ARHGEF28: variants seen among roughly 807,000 people sequenced by gnomAD.
ARHGEF28 encodes Rho guanine nucleotide exchange factor 28.
In ARHGEF28, 152 loss-of-function variants were observed where a neutral mutation model predicts 206.6. The observed-to-expected ratio is 0.74, with a 90% CI of 0.64 to 0.84. The LOEUF (loss-of-function observed/expected upper bound fraction) is 0.84. Ranked by LOEUF, ARHGEF28 falls within the 40% of genes least tolerant of loss-of-function variation. ARHGEF28 has a pLI of 0.00. For synonymous variants in ARHGEF28, 763 were observed against 776.4 expected (o/e 0.98, Z 0.29); for missense variants, 2,028 against 2,073.2 (o/e 0.98, Z 0.42).
intron 20 of ARHGEF28, 69 bp from the exon 21 acceptor site, chr5:73,870,000 C>A: frequency 8.5e-6 from 13 of 1,536,654 alleles, no homozygotes; most frequent in Non-Finnish European, 1.1e-5. Context: ...AATCCATAGA[C>A]AAATATACGA....
At chr5:73,660,251 A>T (rs183451532) in intron 1 of ARHGEF28, among the ~76,000 whole-genome samples, 1 of 152,316 alleles carries the variant, frequency 6.6e-6, no homozygotes, top group East Asian at 1.9e-4. Flanking sequence ...TTCTTTGCTC[A>T]TCCATAATAA....
intron 1 of ARHGEF28, among the ~76,000 whole-genome samples, chr5:73,679,524 G>A (rs1366294699): frequency 2.8e-5 from 4 of 143,884 alleles, no homozygotes; most frequent in South Asian, 2.2e-4. Flanking sequence ...CTGAGATCAC[G>A]CCACTGCACT....
At chr5:73,926,807 T>C (rs1763839131) in intron 35 of ARHGEF28, among the ~76,000 whole-genome samples, 1 of 152,198 alleles carries the variant, frequency 6.6e-6, no homozygotes, top group Admixed American at 6.5e-5. Flanking sequence ...TATTCTGCTT[T>C]TATTCTACTT....
At chr5:73,638,814 A>G (rs1326669356) in intron 1 of ARHGEF28, among the ~76,000 whole-genome samples, 1 of 152,214 alleles carries the variant, frequency 6.6e-6, no homozygotes, top group African/African-American at 2.4e-5. Flanking sequence ...TTGTTTTGAT[A>G]GGAAGTGTAT....
chr5:73,901,208 G>T lies in ARHGEF28; in HGVS notation c.3998G>T (p.Gly1333Val). 1.9e-6 allele frequency: 3 copies of T among 1,613,378 alleles called. No homozygotes were observed. Among genetic ancestry groups the T allele is most frequent in the Non-Finnish European group, 2.5e-6 (3 of 1,179,610 alleles). Residue 1333 changes from glycine (G) to valine (V), a missense_variant, in exon 31 of 36, where the codon GGA becomes GTA. Gly to Val is a moderately radical substitution (Grantham distance 109). Around this residue, in one of 3 missense-constraint regions of ARHGEF28, gnomAD observed 803 missense variants for 768.0 expected, o/e 1.05. Transcript: ENST00000513042. ...TASLVTGGRE[G>V]RGCSDVDPGI... Reference sequence around the variant, plus strand: ...GCATTAGTCACAGGAGGGAGAGAAGGAAGAGGCTGTTCGGATGTGGATCCC... The same window carrying T: ...GCATTAGTCACAGGAGGGAGAGAAGTAAGAGGCTGTTCGGATGTGGATCCC...
intron 1 of ARHGEF28, among the ~76,000 whole-genome samples, chr5:73,680,182 C>T (rs1423261178): frequency 6.6e-6 from 1 of 151,984 alleles, no homozygotes; most frequent in Non-Finnish European, 1.5e-5. Flanking sequence ...CACCTGTAAT[C>T]CCAGCCCTTT....
chr5:73,768,810 G>C (rs1428164089), intron 4 of ARHGEF28, among the ~76,000 whole-genome samples: 3 of 152,002 alleles, frequency 2.0e-5, no homozygotes, highest in Non-Finnish European at 4.4e-5. Context: ...ATTTGGCTGT[G>C]TCCTCACCCA....
At chr5:73,776,341 G>C (rs532182386) in intron 5 of ARHGEF28, among the ~76,000 whole-genome samples, 175 bp from the exon 6 acceptor site, 1 of 152,294 alleles carries the variant, frequency 6.6e-6, no homozygotes, top group South Asian at 2.1e-4. Context: ...GAAAAAGAAA[G>C]ATGGCTTTAT....
rs1746179566 is a variant in ARHGEF28 at position 73,669,575 on chromosome 5, C to A, written c.-11-15266C>A. Among the ~76,000 whole-genome samples the A allele has an allele frequency of 2.0e-5, 3 of 152,332 alleles. No individual in the cohort carries two copies. In the South Asian group the frequency reaches 6.2e-4, roughly 32 times the overall value. ...CTTTGTATACTCTGCCTAGTTCCCA[C>A]AATGGAAACATTTTATAAAGCTATA... is the stretch of plus-strand genomic sequence containing the variant. On this transcript the variant is annotated intron_variant, in intron 1 of 35. Transcript: ENST00000513042.
chr5:73,652,513 G>T (rs569898063), intron 1 of ARHGEF28, among the ~76,000 whole-genome samples: 1 of 152,284 alleles, frequency 6.6e-6, no homozygotes, highest in Admixed American at 6.5e-5. Context: ...AGCATTAGGG[G>T]CTAGGCAGGG....
At chr5:73,642,935 T>G (rs1457752168) in intron 1 of ARHGEF28, among the ~76,000 whole-genome samples, 1 of 152,226 alleles carries the variant, frequency 6.6e-6, no homozygotes, top group Non-Finnish European at 1.5e-5. Context: ...CTTGTACATT[T>G]TAATGACTTA....
chr5:73,845,252 A>G (rs148436349), intron 11 of ARHGEF28, among the ~76,000 whole-genome samples: 4,825 of 152,150 alleles, frequency 0.032, 242 homozygotes, highest in African/African-American at 0.1. Context: ...CTCTGACCTC[A>G]TGATCCGCCC....
intron 2 of ARHGEF28, among the ~76,000 whole-genome samples, chr5:73,746,974 C>T (rs1751752069): frequency 6.6e-6 from 1 of 152,038 alleles, no homozygotes; most frequent in South Asian, 2.1e-4. Flanking sequence ...TGTTGAGTTT[C>T]ATTTGAAAAA....
At chr5:73,734,961 A>G (rs1750823337) in intron 2 of ARHGEF28, among the ~76,000 whole-genome samples, 3 of 152,122 alleles carry the variant, frequency 2.0e-5, no homozygotes, top group Non-Finnish European at 2.9e-5. Context: ...GAGGAGGGTC[A>G]TTGTAACTTT....
At chr5:73,790,310 G>A (rs542775521) in intron 7 of ARHGEF28, among the ~76,000 whole-genome samples, 1 of 151,846 alleles carries the variant, frequency 6.6e-6, no homozygotes, top group Admixed American at 6.6e-5. Flanking sequence ...CTTCTCCACT[G>A]TCTTAAATAA....
intron 22 of ARHGEF28, among the ~76,000 whole-genome samples, chr5:73,875,052 C>A (rs971698283): frequency 6.7e-6 from 1 of 150,174 alleles, no homozygotes; most frequent in Non-Finnish European, 1.5e-5. Context: ...AAAAGTGTTC[C>A]CATTTCTCCA....
chr5:73,825,239 G>A (rs957552580), intron 9 of ARHGEF28, among the ~76,000 whole-genome samples: 2 of 152,176 alleles, frequency 1.3e-5, no homozygotes, highest in Non-Finnish European at 2.9e-5. Context: ...AAGGGTTGGC[G>A]GTTGCCATTT....
At chr5:73,932,800 CTTTTTTTTTTTTTT>C (rs386404110) in intron 35 of ARHGEF28, among the ~76,000 whole-genome samples, 39 of 73,436 alleles carry the variant, frequency 5.3e-4, no homozygotes, top group African/African-American at 2.2e-3. Flanking sequence ...TTTCCTATTT[CTTTTTTTTTTTTTT>C]TTTTTTTTTT....
At chr5:73,706,629 T>G (rs1748952901) in intron 2 of ARHGEF28, among the ~76,000 whole-genome samples, 1 of 152,154 alleles carries the variant, frequency 6.6e-6, no homozygotes, top group African/African-American at 2.4e-5. Flanking sequence ...GAATGAAGCT[T>G]ACATAAAAGA....
Sources: gnomAD v4.1 joint callset for allele counts (sites outside exome capture counted in the v4.1 genomes callset) on GRCh38, gnomAD v4.1.1 for gene constraint, gnomAD v4.1.1 regional missense constraint, MANE v1.5 for transcripts, NCBI Gene and HGNC (gene_info 2026-07-23, HGNC 2026-07-21) for gene names.